Variants in DACH1 observed in about 807,000 individuals in gnomAD.
DACH1 encodes the protein dachshund homolog 1.
Under a neutral mutation model 54.2 loss-of-function variants are expected in DACH1, and 12 were observed. That is an observed-to-expected ratio of 0.22 (90% CI 0.14 to 0.36). DACH1 has a LOEUF of 0.36. Ranked by LOEUF, DACH1 falls within the 10% of genes least tolerant of loss-of-function variation. DACH1 has a pLI of 1.00. For missense variants in DACH1, 805 were observed against 929.8 expected (o/e 0.87, Z 1.75); for synonymous variants, 386 against 366.2 (o/e 1.05, Z -0.62).
At position 71,865,907 on chromosome 13, in the gene DACH1, T is replaced by TC. The variant is rs747824921; in HGVS notation, c.848+14dup. 7.2e-5 allele frequency: 114 copies of TC among 1,576,920 alleles called. No individual in the cohort carries two copies. In the African/African-American group the frequency reaches 1.1e-3, roughly 15 times the overall value. ...GAAGGGGCGCGGGCGGCGGGGGCTA[T>TC]CCCCCCCGACTCACCTTGCGTTGGT... is the stretch of plus-strand genomic sequence containing the variant. On this transcript the variant is annotated intron_variant, in intron 1 of 10. Transcript: ENST00000613252.
chr13:71,495,454 C>T (rs892288357), intron 6 of DACH1, among the ~76,000 whole-genome samples: 3 of 151,862 alleles, frequency 2.0e-5, no homozygotes, highest in African/African-American at 7.3e-5. Context: ...ACTTACTAGA[C>T]ATATTAAATT....
chr13:71,800,904 G>A (rs979410277), intron 1 of DACH1, among the ~76,000 whole-genome samples: 4 of 147,668 alleles, frequency 2.7e-5, no homozygotes, highest in Admixed American at 6.6e-5. Flanking sequence ...CCATATCCGA[G>A]GAGACATTGC....
Position 71,438,822 on chromosome 13 carries a change from T to C in DACH1, c.*1833A>G, listed in dbSNP as rs1045348507. 1 of 152,478 alleles carries C rather than the reference T, an allele frequency of 6.6e-6. No individual in the cohort carries two copies. The highest frequency in any genetic ancestry group is 1.5e-5 in the Non-Finnish European group (1 of 67,922). The allele number at this position is 152,478 out of a possible 1,614,324, so 9.4% of individuals were successfully genotyped here. A position where few individuals can be genotyped will look rare whatever the true frequency, so the allele number is the denominator to read the frequency against. ...GTGCTCAAACAACAAAAGGTGGTTA[T>C]GGAAGAACTATGCTTAGAAAACCAA... On this transcript the variant is annotated 3_prime_UTR_variant, in exon 11 of 11. Coordinates refer to ENST00000613252, the MANE Select transcript of DACH1 (RefSeq NM_080759.6).
intron 2 of DACH1, among the ~76,000 whole-genome samples, chr13:71,662,001 A>G (rs765947269): frequency 1.3e-4 from 20 of 152,060 alleles, no homozygotes; most frequent in Admixed American, 6.6e-5. Flanking sequence ...ACCAATGTTA[A>G]TGTAATAACT....
intron 1 of DACH1, among the ~76,000 whole-genome samples, chr13:71,740,812 T>A (rs1884348939): frequency 6.6e-6 from 1 of 152,210 alleles, no homozygotes; most frequent in Admixed American, 6.5e-5. Flanking sequence ...TGATGTATAA[T>A]ATGTTGTCAT....
intron 6 of DACH1, among the ~76,000 whole-genome samples, chr13:71,499,971 GACC>G (rs1879775263): frequency 6.6e-6 from 1 of 151,808 alleles, no homozygotes; most frequent in African/African-American, 2.4e-5. Flanking sequence ...AGCTCTAAAT[GACC>G]ACTTTTGAAA....
chr13:71,790,912 G>A (rs575093492), intron 1 of DACH1, among the ~76,000 whole-genome samples: 6 of 152,248 alleles, frequency 3.9e-5, no homozygotes, highest in South Asian at 4.1e-4. Context: ...AGAGCCCCCC[G>A]GTAATTGAAG....
chr13:71,603,200 A>C (rs1183123519), intron 3 of DACH1, among the ~76,000 whole-genome samples: 1 of 151,944 alleles, frequency 6.6e-6, no homozygotes, highest in African/African-American at 2.4e-5. Context: ...TTGGATTAAA[A>C]TCAATATTAC....
intron 1 of DACH1, chr13:71,704,665 A>AAAAAAT: frequency 3.2e-6 from 1 of 309,976 alleles, no homozygotes; most frequent in Middle Eastern, 8.2e-4. Context: ...AAAGGTATTT[A>AAAAAAT]AAAAATAAAA....
At chr13:71,837,066 A>T (rs1001015096) in intron 1 of DACH1, among the ~76,000 whole-genome samples, 3 of 152,166 alleles carry the variant, frequency 2.0e-5, no homozygotes, top group African/African-American at 7.2e-5. Flanking sequence ...AACAGGAGAG[A>T]GTAACAATGT....
At chr13:71,732,939 T>C (rs1031678497) in intron 1 of DACH1, among the ~76,000 whole-genome samples, 2 of 152,152 alleles carry the variant, frequency 1.3e-5, no homozygotes, top group Admixed American at 1.3e-4. Context: ...CTACCATCAA[T>C]TCCTTCTCTT....
At chr13:71,525,205 A>C (rs1881872144) in intron 6 of DACH1, among the ~76,000 whole-genome samples, 1 of 152,164 alleles carries the variant, frequency 6.6e-6, no homozygotes, top group Non-Finnish European at 1.5e-5. Context: ...TAAATCCTTA[A>C]CTGCCTGAGA....
rs187896410 is a variant in DACH1, at chr13:71,822,906, G to A, written c.848+43016C>T. Among the ~76,000 whole-genome samples, 333 of 151,932 alleles carry A rather than the reference G, an allele frequency of 2.2e-3. 2 individuals are homozygous for A. Among genetic ancestry groups the A allele is most frequent in the Non-Finnish European group, 2.3e-3 (155 of 67,918 alleles). Reference sequence around the variant, plus strand: ...AAAAAAATCATAATCTGAAAATAACGTATTATTAGTAAAGAATAAAGAAAA... The same window carrying A: ...AAAAAAATCATAATCTGAAAATAACATATTATTAGTAAAGAATAAAGAAAA... On this transcript the variant is annotated intron_variant, in intron 1 of 10. Transcript: ENST00000613252.
rs140967709 is a variant in DACH1, at chr13:71,477,460, C to T, written c.1871-1611G>A. Among the ~76,000 whole-genome samples, 588 of 151,990 alleles carry T rather than the reference C, an allele frequency of 3.9e-3. 1 individual carries two copies. Among genetic ancestry groups the T allele is most frequent in the Middle Eastern group, 0.02 (6 of 294 alleles). ...TTAAGATGGAAGCTAATTTACATGT[C>T]AGGTGTATTGTTGCTGTATCATATA... On this transcript the variant is annotated intron_variant, in intron 8 of 10. Coordinates refer to ENST00000613252, the MANE Select transcript of DACH1 (RefSeq NM_080759.6).
At chr13:71,468,256 T>C (rs1037427000) in intron 10 of DACH1, among the ~76,000 whole-genome samples, 4 of 152,208 alleles carry the variant, frequency 2.6e-5, no homozygotes, top group African/African-American at 9.6e-5. Flanking sequence ...TAATAAAATT[T>C]AATACTAACA....
intron 3 of DACH1, among the ~76,000 whole-genome samples, chr13:71,581,934 G>C (rs145179369): frequency 3.9e-5 from 6 of 151,964 alleles, no homozygotes; most frequent in Admixed American, 3.9e-4. Flanking sequence ...GAGATGTTTC[G>C]GTAATAGTCA....
intron 6 of DACH1, among the ~76,000 whole-genome samples, chr13:71,537,865 TAAAAATGTA>T (rs1882908140): frequency 6.6e-6 from 1 of 152,124 alleles, no homozygotes; most frequent in African/African-American, 2.4e-5. Context: ...TAGACAAACA[TAAAAATGTA>T]AAACTATATT....
chr13:71,821,186 G>T (rs540073318), intron 1 of DACH1, among the ~76,000 whole-genome samples: 2 of 152,270 alleles, frequency 1.3e-5, no homozygotes, highest in African/African-American at 4.8e-5. Context: ...TTTAGTAGGT[G>T]AATCCTCTTA....
chr13:71,545,343 T>C (rs1883391744), intron 6 of DACH1, among the ~76,000 whole-genome samples: 1 of 152,088 alleles, frequency 6.6e-6, no homozygotes, highest in African/African-American at 2.4e-5. Context: ...AGATTACTTG[T>C]GTTATTATGG....
Sources: gnomAD v4.1 joint callset for allele counts (sites outside exome capture counted in the v4.1 genomes callset) on GRCh38, gnomAD v4.1.1 for gene constraint, MANE v1.5 for transcripts, NCBI Gene and HGNC (gene_info 2026-07-23, HGNC 2026-07-21) for gene names.